Variants in TENM4 observed in about 807,000 individuals in gnomAD.
The protein encoded by TENM4 is teneurin-4.
Under a neutral mutation model 243.3 loss-of-function variants are expected in TENM4, and 82 were observed. The observed-to-expected ratio is 0.34, with a 90% CI of 0.28 to 0.40. The LOEUF (loss-of-function observed/expected upper bound fraction) is 0.40, where lower values mean the gene tolerates loss of function less well. TENM4 is among the 10% of genes least tolerant of loss of function. TENM4 has a pLI of 1.00. For missense variants in TENM4, 3,138 were observed against 3,673.3 expected (o/e 0.85, Z 3.77); for synonymous variants, 1,412 against 1,456.3 (o/e 0.97, Z 0.69).
intron 6 of TENM4, among the ~76,000 whole-genome samples, chr11:78,917,241 C>T (rs989431280): frequency 4.6e-5 from 7 of 152,206 alleles, no homozygotes; most frequent in African/African-American, 1.7e-4. Flanking sequence ...TAAACAGAGA[C>T]TCCAAATGCA....
At chr11:78,836,211 G>T (rs183446984) in intron 12 of TENM4, among the ~76,000 whole-genome samples, 1 of 152,190 alleles carries the variant, frequency 6.6e-6, no homozygotes, top group Non-Finnish European at 1.5e-5. Context: ...TTAGCTGGGC[G>T]TGGTGGCGCA....
At chr11:78,861,572 G>C (rs1858820516) in intron 10 of TENM4, among the ~76,000 whole-genome samples, 1 of 152,192 alleles carries the variant, frequency 6.6e-6, no homozygotes, top group Admixed American at 6.5e-5. Flanking sequence ...CCTCAAAATA[G>C]TGGGCAGGGG....
chr11:78,708,481 G>A lies in TENM4; in HGVS notation c.4089C>T (p.Phe1363=), dbSNP rs892237369. The change falls in exon 27 of 34, where the codon TTC becomes TTT. Residue 1363 remains phenylalanine (F), a synonymous_variant. Coordinates refer to ENST00000278550, the MANE Select transcript of TENM4 (RefSeq NM_001098816.3). The part of the protein sequence containing the change: ...ITVDKFGLIY[F]VDGTMIRRID... ...TGCGTCTGATCATGGTGCCATCCAC[G>A]AAGTAGATCAGCCCAAACTTGTCCA... 12 of 1,613,856 alleles carry A rather than the reference G, an allele frequency of 7.4e-6. No homozygotes were observed. The African/African-American group carries it at 1.1e-4, about 14-fold the overall frequency.
intron 5 of TENM4, among the ~76,000 whole-genome samples, chr11:79,067,023 A>T (rs773106941): frequency 1.3e-5 from 2 of 152,212 alleles, no homozygotes; most frequent in African/African-American, 2.4e-5. Flanking sequence ...GCCTCCTTCC[A>T]CACCCAGTGC....
chr11:78,823,859 T>C (rs1857791643), intron 12 of TENM4, among the ~76,000 whole-genome samples: 1 of 152,204 alleles, frequency 6.6e-6, no homozygotes, highest in South Asian at 2.1e-4. Context: ...CTTCATAGCT[T>C]GGAGGCTTTG....
chr11:79,372,856 A>G (rs140528641), intron 1 of TENM4, among the ~76,000 whole-genome samples: 1 of 152,174 alleles, frequency 6.6e-6, no homozygotes, highest in South Asian at 2.1e-4. Context: ...AAGCCTTGGC[A>G]TTGTGGATAT....
At chr11:79,155,905 A>G (rs1862604981) in intron 3 of TENM4, among the ~76,000 whole-genome samples, 1 of 151,536 alleles carries the variant, frequency 6.6e-6, no homozygotes, top group Non-Finnish European at 1.5e-5. Context: ...CTTGACCCTC[A>G]TTTCTTCCTT....
intron 2 of TENM4, among the ~76,000 whole-genome samples, chr11:79,292,278 A>G (rs1565286167): frequency 6.6e-6 from 1 of 152,082 alleles, no homozygotes; most frequent in East Asian, 1.9e-4. Context: ...GCCCTCGACC[A>G]CCAATGAGCA....
intron 6 of TENM4, among the ~76,000 whole-genome samples, chr11:78,994,058 C>G (rs1251813861): frequency 6.6e-6 from 1 of 152,142 alleles, no homozygotes; most frequent in African/African-American, 2.4e-5. Flanking sequence ...ATTTTAATCA[C>G]CATTAGATTA....
intron 1 of TENM4, among the ~76,000 whole-genome samples, chr11:79,394,469 T>G (rs758935661): frequency 3.2e-4 from 49 of 152,334 alleles, no homozygotes; most frequent in Admixed American, 2.5e-3. Flanking sequence ...GAATATATAA[T>G]AGGGCTGATT....
At chr11:79,426,507 T>C (rs1859052394) in intron 1 of TENM4, among the ~76,000 whole-genome samples, 1 of 152,138 alleles carries the variant, frequency 6.6e-6, no homozygotes, top group South Asian at 2.1e-4. Flanking sequence ...CCTCACACAA[T>C]TCAACAAAGA....
intron 6 of TENM4, among the ~76,000 whole-genome samples, chr11:79,027,119 T>C (rs1437354877): frequency 6.6e-6 from 1 of 152,166 alleles, no homozygotes; most frequent in African/African-American, 2.4e-5. Context: ...GACTTAAACT[T>C]GGAATTATCC....
chr11:79,069,627 T>G, intron 5 of TENM4, 95 bp downstream of exon 5: 1 of 1,435,482 alleles, frequency 7.0e-7, no homozygotes, highest in South Asian at 1.4e-5. Flanking sequence ...AGCTCACCTG[T>G]GCCACGCCCA....
chr11:79,407,565 G>A (rs563228926), intron 1 of TENM4, among the ~76,000 whole-genome samples: 2 of 152,322 alleles, frequency 1.3e-5, no homozygotes, highest in South Asian at 4.1e-4. Context: ...AATAAGTAGC[G>A]AGACCTAGAT....
intron 28 of TENM4, among the ~76,000 whole-genome samples, chr11:78,695,718 A>G (rs1168885828): frequency 6.7e-6 from 1 of 150,274 alleles, no homozygotes; most frequent in Non-Finnish European, 1.5e-5. Flanking sequence ...TGGCTTGCAC[A>G]GTTTCTGATG....
chr11:79,352,010 G>A (rs1254801919), intron 1 of TENM4, among the ~76,000 whole-genome samples: 2 of 152,130 alleles, frequency 1.3e-5, no homozygotes, highest in Non-Finnish European at 2.9e-5. Context: ...TTTCTGATTT[G>A]TAAAATCAAG....
At chr11:78,946,023 G>A (rs1856996028) in intron 6 of TENM4, among the ~76,000 whole-genome samples, 1 of 152,232 alleles carries the variant, frequency 6.6e-6, no homozygotes, top group Non-Finnish European at 1.5e-5. Flanking sequence ...ACTGCAGCAA[G>A]TTATCCAGAA....
At chr11:79,226,690 G>A (rs1400945163) in intron 2 of TENM4, among the ~76,000 whole-genome samples, 2 of 152,166 alleles carry the variant, frequency 1.3e-5, no homozygotes, top group African/African-American at 4.8e-5. Flanking sequence ...ATACTCCTGA[G>A]CAAGATTTGA....
intron 3 of TENM4, among the ~76,000 whole-genome samples, chr11:79,160,135 C>T (rs982765609): frequency 6.6e-6 from 1 of 152,168 alleles, no homozygotes; most frequent in Non-Finnish European, 1.5e-5. Context: ...GTGCAGCATC[C>T]TCCCAGGAAG....
Sources: gnomAD v4.1 joint callset for allele counts (sites outside exome capture counted in the v4.1 genomes callset) on GRCh38, gnomAD v4.1.1 for gene constraint, MANE v1.5 for transcripts, NCBI Gene and HGNC (gene_info 2026-07-23, HGNC 2026-07-21) for gene names.